The following ADARB2 variants were observed in gnomAD, a reference collection of about 807,000 sequenced individuals.
ADARB2 encodes inactive double-stranded RNA-specific editase B2.
ADARB2 carries 25 observed loss-of-function variants against 62.2 expected under a neutral mutation model. The observed-to-expected ratio is 0.40, with a 90% CI of 0.29 to 0.56. The LOEUF (loss-of-function observed/expected upper bound fraction) is 0.56, where lower values mean the gene tolerates loss of function less well. ADARB2 is among the 20% of genes least tolerant of loss of function. The pLI is 0.43. For missense variants in ADARB2, 1,071 were observed against 1,077.4 expected (o/e 0.99, Z 0.08); for synonymous variants, 572 against 500.8 (o/e 1.14, Z -1.90).
chr10:1,374,308 A>T (rs948873346), intron 2 of ADARB2, among the ~76,000 whole-genome samples: 33 of 152,236 alleles, frequency 2.2e-4, no homozygotes, highest in African/African-American at 8.0e-4. Context: ...AGGCATCTGC[A>T]TGGGAAAATG....
At chr10:1,475,436 C>T (rs1322868363) in intron 1 of ADARB2, among the ~76,000 whole-genome samples, 1 of 152,152 alleles carries the variant, frequency 6.6e-6, no homozygotes, top group East Asian at 1.9e-4. Flanking sequence ...TTACCCATCC[C>T]GGGCCCCAGC....
At chr10:1,254,016 T>C (rs1209905800) in intron 4 of ADARB2, among the ~76,000 whole-genome samples, 8 of 150,116 alleles carry the variant, frequency 5.3e-5, no homozygotes, top group Non-Finnish European at 1.2e-4. Context: ...CGGTGGGCTA[T>C]GGTTAGGATG....
intron 2 of ADARB2, among the ~76,000 whole-genome samples, chr10:1,377,599 G>A (rs1832445609): frequency 6.6e-6 from 1 of 152,034 alleles, no homozygotes; most frequent in Non-Finnish European, 1.5e-5. Context: ...TTCAGAAGTA[G>A]TGATCAATAA....
intron 1 of ADARB2, among the ~76,000 whole-genome samples, chr10:1,722,191 G>C (rs958967528): frequency 3.3e-5 from 5 of 152,162 alleles, no homozygotes; most frequent in Non-Finnish European, 5.9e-5. Context: ...TTTCTTGGGA[G>C]GGTCGCACTT....
chr10:1,460,008 G>A (rs1361594293), intron 1 of ADARB2, among the ~76,000 whole-genome samples: 2 of 93,874 alleles, frequency 2.1e-5, no homozygotes, highest in African/African-American at 7.2e-5. Flanking sequence ...GAGTTTACCT[G>A]CGTAACAAAC....
chr10:1,555,661 G>A (rs1183683740), intron 1 of ADARB2, among the ~76,000 whole-genome samples: 6 of 152,186 alleles, frequency 3.9e-5, no homozygotes, highest in African/African-American at 9.7e-5. Flanking sequence ...TGGGCCGGGC[G>A]CGGTGGCTCA....
rs911975004 is a variant in ADARB2, at chr10:1,511,198, C to T, written c.101-132038G>A. ...TTTTTGTGCTGCTGGGGTGGGTGGG[C>T]GTATCGGGTGGATGCACTTATAATA... On this transcript the variant is annotated intron_variant, in intron 1 of 9. Transcript: ENST00000381312. Among the ~76,000 whole-genome samples the T allele has an allele frequency of 5.3e-5, 8 of 151,220 alleles. No homozygotes were observed. In the East Asian group the frequency reaches 5.8e-4, roughly 11 times the overall value.
intron 3 of ADARB2, among the ~76,000 whole-genome samples, chr10:1,342,614 C>G (rs1412805753): frequency 6.6e-6 from 1 of 152,184 alleles, no homozygotes; most frequent in East Asian, 1.9e-4. Flanking sequence ...AAGTCTCAGC[C>G]TCATCCAGCC....
At chr10:1,531,605 C>A (rs558396492) in intron 1 of ADARB2, among the ~76,000 whole-genome samples, 1 of 152,092 alleles carries the variant, frequency 6.6e-6, no homozygotes, top group African/African-American at 2.4e-5. Flanking sequence ...TTTGGGAGGC[C>A]GAGTGGGTGG....
At chr10:1,470,564 C>A (rs1023039189) in intron 1 of ADARB2, among the ~76,000 whole-genome samples, 10 of 152,166 alleles carry the variant, frequency 6.6e-5, no homozygotes, top group Non-Finnish European at 1.3e-4. Context: ...TTCTGGGAGC[C>A]CTTTCACAGC....
At chr10:1,629,040 G>C (rs1588329885) in intron 1 of ADARB2, among the ~76,000 whole-genome samples, 2 of 152,356 alleles carry the variant, frequency 1.3e-5, no homozygotes, top group African/African-American at 4.8e-5. Flanking sequence ...AGAGAGGGGA[G>C]TGCTGAGACC....
At chr10:1,650,512 G>A (rs1172320103) in intron 1 of ADARB2, among the ~76,000 whole-genome samples, 2 of 152,054 alleles carry the variant, frequency 1.3e-5, no homozygotes, top group Non-Finnish European at 2.9e-5. Flanking sequence ...GCAGGGAAAC[G>A]CACCTCCGCC....
chr10:1,644,389 C>A (rs1407170188), intron 1 of ADARB2, among the ~76,000 whole-genome samples: 1 of 152,254 alleles, frequency 6.6e-6, no homozygotes, highest in Non-Finnish European at 1.5e-5. Flanking sequence ...ATGTTACATG[C>A]AAAACAAACT....
At chr10:1,507,097 C>T (rs1019095915) in intron 1 of ADARB2, among the ~76,000 whole-genome samples, 12 of 152,310 alleles carry the variant, frequency 7.9e-5, no homozygotes, top group East Asian at 3.9e-4. Context: ...AGACGGTGGC[C>T]GAGACAGAAG....
chr10:1,247,267 A>G (rs376803851), intron 4 of ADARB2, among the ~76,000 whole-genome samples: 1 of 152,220 alleles, frequency 6.6e-6, no homozygotes, highest in Admixed American at 6.5e-5. Flanking sequence ...CAATCATGTC[A>G]TCTGCAAACA....
chr10:1,544,148 T>A (rs1308362927), intron 1 of ADARB2, among the ~76,000 whole-genome samples: 1 of 152,060 alleles, frequency 6.6e-6, no homozygotes, highest in Non-Finnish European at 1.5e-5. Flanking sequence ...CTCAGGACGG[T>A]CATGAAACCC....
chr10:1,693,710 A>G (rs1834701355), intron 1 of ADARB2, among the ~76,000 whole-genome samples: 1 of 152,230 alleles, frequency 6.6e-6, no homozygotes, highest in African/African-American at 2.4e-5. Context: ...TGCCTTGTTT[A>G]TAATACTAAC....
chr10:1,295,936 A>G (rs1831518861), intron 3 of ADARB2, among the ~76,000 whole-genome samples: 1 of 152,202 alleles, frequency 6.6e-6, no homozygotes, highest in South Asian at 2.1e-4. Flanking sequence ...CGGCTCAGTC[A>G]GCAAGCATTT....
intron 3 of ADARB2, among the ~76,000 whole-genome samples, chr10:1,277,963 C>T (rs139793454): frequency 1.3e-5 from 1 of 79,384 alleles, no homozygotes; most frequent in Non-Finnish European, 3.4e-5. Flanking sequence ...CCCTCTTTCT[C>T]TCTCTCTTTC....
Sources: gnomAD v4.1 joint callset for allele counts (sites outside exome capture counted in the v4.1 genomes callset) on GRCh38, gnomAD v4.1.1 for gene constraint, MANE v1.5 for transcripts, NCBI Gene and HGNC (gene_info 2026-07-23, HGNC 2026-07-21) for gene names.